The following CACNA1A variants were observed in gnomAD, a reference collection of about 807,000 sequenced individuals.
CACNA1A encodes calcium voltage-gated channel subunit alpha1 A, also known as voltage-dependent P/Q-type calcium channel subunit alpha-1A.
A neutral mutation model predicts 262.4 loss-of-function variants in CACNA1A; 57 were observed. The ratio of observed to expected loss-of-function variants is 0.22; its 90% CI spans 0.18 to 0.27. CACNA1A has a LOEUF of 0.27. Ranked by LOEUF, CACNA1A falls within the 10% of genes least tolerant of loss-of-function variation. The pLI is 1.00. For synonymous variants in CACNA1A, 1,431 were observed against 1,419.3 expected (o/e 1.01, Z -0.18); for missense variants, 2,526 against 3,562.8 (o/e 0.71, Z 7.41).
At chr19:13,458,064 A>G (rs568963307) in intron 1 of CACNA1A, among the ~76,000 whole-genome samples, 1 of 152,162 alleles carries the variant, frequency 6.6e-6, no homozygotes, top group African/African-American at 2.4e-5. Context: ...GTGGCTGCTT[A>G]ATGTTTTAGA....
chr19:13,240,660 GGA>G (rs2056049292), intron 31 of CACNA1A, among the ~76,000 whole-genome samples: 2 of 149,688 alleles, frequency 1.3e-5, no homozygotes, highest in African/African-American at 5.0e-5. Flanking sequence ...CTGTGTGTGT[GGA>G]TAGTGACTGT....
chr19:13,352,359 G>A (rs2058926881), intron 6 of CACNA1A, among the ~76,000 whole-genome samples: 1 of 146,052 alleles, frequency 6.8e-6, no homozygotes, highest in Admixed American at 7.1e-5. Context: ...AGCCAAGATC[G>A]CACCACTGCA....
intron 10 of CACNA1A, 81 bp from the exon 11 acceptor site, chr19:13,317,402 T>G (rs2058149455): frequency 3.3e-6 from 4 of 1,197,546 alleles, no homozygotes; most frequent in Non-Finnish European, 4.7e-6. Flanking sequence ...CAAGCACAGA[T>G]TTTAGCCAGG....
chr19:13,440,712 G>A (rs8101208), intron 3 of CACNA1A, among the ~76,000 whole-genome samples: 16,627 of 152,124 alleles, frequency 0.11, 1,765 homozygotes, highest in African/African-American at 0.27. Flanking sequence ...GACTGTCCCT[G>A]GGCAAGTAAC....
At chr19:13,502,404 G>A (rs1288207788) in intron 1 of CACNA1A, among the ~76,000 whole-genome samples, 6 of 152,198 alleles carry the variant, frequency 3.9e-5, no homozygotes, top group African/African-American at 1.4e-4. Context: ...TGGTGGCACA[G>A]GGAGGGCTGG....
chr19:13,228,990 G>A (rs575953582), intron 36 of CACNA1A: 3 of 357,532 alleles, frequency 8.4e-6, no homozygotes, highest in South Asian at 3.4e-5. Context: ...AGTCGAGTTC[G>A]GGACTGCAGG....
chr19:13,309,071 C>T (rs548016497), intron 12 of CACNA1A, among the ~76,000 whole-genome samples: 5 of 152,170 alleles, frequency 3.3e-5, no homozygotes, highest in African/African-American at 9.6e-5. Context: ...TGCAGTGGCG[C>T]GATCTCAGCT....
At chr19:13,437,706 A>G (rs1439463047) in intron 3 of CACNA1A, among the ~76,000 whole-genome samples, 2 of 149,084 alleles carry the variant, frequency 1.3e-5, no homozygotes, top group African/African-American at 2.6e-5. Flanking sequence ...AAAAAAAAAA[A>G]AAAAAAAAGA....
intron 6 of CACNA1A, among the ~76,000 whole-genome samples, chr19:13,340,844 G>A (rs2058666633): frequency 6.6e-6 from 1 of 152,186 alleles, no homozygotes; most frequent in African/African-American, 2.4e-5. Context: ...GGTCTTTGCA[G>A]ATGGAATCAA....
At chr19:13,385,226 CTTTCTTTTT>C (rs1188184953) in intron 3 of CACNA1A, among the ~76,000 whole-genome samples, 1 of 137,560 alleles carries the variant, frequency 7.3e-6, no homozygotes, top group African/African-American at 2.8e-5. Flanking sequence ...TCTATTCTTT[CTTTCTTTTT>C]TTTTTTTTTT....
At chr19:13,433,611 T>C (rs1264299671) in intron 3 of CACNA1A, among the ~76,000 whole-genome samples, 4 of 151,968 alleles carry the variant, frequency 2.6e-5, no homozygotes, top group East Asian at 1.9e-4. Flanking sequence ...GGTCAGATTA[T>C]TGACCTGGGC....
intron 3 of CACNA1A, among the ~76,000 whole-genome samples, chr19:13,446,442 C>CTTTT (rs547034790): frequency 5.7e-4 from 70 of 122,492 alleles, no homozygotes; most frequent in African/African-American, 2.0e-3. Context: ...TTTTTTCTTT[C>CTTTT]TTTTTTTTTT....
intron 10 of CACNA1A, among the ~76,000 whole-genome samples, chr19:13,321,446 C>T (rs1012389486): frequency 6.6e-6 from 1 of 152,070 alleles, no homozygotes; most frequent in Non-Finnish European, 1.5e-5. Flanking sequence ...TGTAATACAG[C>T]CATGTGTGGC....
intron 3 of CACNA1A, among the ~76,000 whole-genome samples, chr19:13,423,984 C>G (rs890130553): frequency 6.6e-6 from 1 of 152,180 alleles, no homozygotes; most frequent in African/African-American, 2.4e-5. Flanking sequence ...CCCCCTTGCC[C>G]TGCCCTCCAG....
At chr19:13,314,441 T>C (rs1218403872) in intron 11 of CACNA1A, among the ~76,000 whole-genome samples, 1 of 152,130 alleles carries the variant, frequency 6.6e-6, no homozygotes, top group Admixed American at 6.6e-5. Context: ...AGAGCTCTCA[T>C]GAATGGGATT....
intron 3 of CACNA1A, among the ~76,000 whole-genome samples, chr19:13,382,725 C>A (rs769823805): frequency 3.9e-5 from 6 of 152,146 alleles, no homozygotes; most frequent in Admixed American, 6.5e-5. Context: ...GCCGCAAGAG[C>A]AGGCTGGTGT....
At chr19:13,243,204 C>A (rs1483600149) in intron 31 of CACNA1A, among the ~76,000 whole-genome samples, 1 of 152,324 alleles carries the variant, frequency 6.6e-6, no homozygotes, top group South Asian at 2.1e-4. Flanking sequence ...GGTGGGGGCA[C>A]CCCAGTGGAG....
At position 13,212,311 on chromosome 19, in the gene CACNA1A, G is replaced by C. The variant is rs967693057; in HGVS notation, c.6189+73C>G. On this transcript the variant is annotated intron_variant, in intron 42 of 46. Transcript: ENST00000360228. This position sits in a 1 kb window ranked among gnomAD's most constrained non-coding sequence, Gnocchi z 5.6. Reference sequence around the variant, plus strand: ...GAGGGAGCTGCAGGTGTGTGTGTGTGGGGGGCCCAGATCCCTTCCACCTGA... The same window carrying C: ...GAGGGAGCTGCAGGTGTGTGTGTGTCGGGGGCCCAGATCCCTTCCACCTGA... 18 of 1,566,702 alleles carry C rather than the reference G, an allele frequency of 1.1e-5. No individual in the cohort carries two copies. The East Asian group carries it at 2.9e-4, about 25-fold the overall frequency.
At chr19:13,457,570 G>A (rs1442410487) in intron 1 of CACNA1A, among the ~76,000 whole-genome samples, 1 of 152,206 alleles carries the variant, frequency 6.6e-6, no homozygotes, top group Non-Finnish European at 1.5e-5. Flanking sequence ...AATGAAGTAG[G>A]CCGGGTGCAG....
Sources: gnomAD v4.1 joint callset for allele counts (sites outside exome capture counted in the v4.1 genomes callset) on GRCh38, gnomAD v4.1.1 for gene constraint, Gnocchi (gnomAD v3.1) non-coding constraint, MANE v1.5 for transcripts, NCBI Gene and HGNC (gene_info 2026-07-23, HGNC 2026-07-21) for gene names.